Variants in BCR observed in about 807,000 individuals in gnomAD.
The protein encoded by BCR is breakpoint cluster region protein.
BCR carries 58 observed loss-of-function variants against 138.6 expected under a neutral mutation model. The observed-to-expected ratio is 0.42, with a 90% confidence interval of 0.34 to 0.52. BCR has a LOEUF of 0.52. Among genes scored for constraint, BCR ranks in the 20% least tolerant of loss-of-function variants. The pLI, the probability that BCR is intolerant of heterozygous loss-of-function variation, is 0.06. For missense variants in BCR, 1,599 were observed against 1,727.2 expected (o/e 0.93, Z 1.32); for synonymous variants, 786 against 730.1 (o/e 1.08, Z -1.23).
rs556253509 is a variant in BCR, at chr22:23,248,300, C to T, written c.1280-5499C>T. Among the ~76,000 whole-genome samples, 9 of 150,844 alleles carry T rather than the reference C, an allele frequency of 6.0e-5. No individual in the cohort carries two copies. In the South Asian group the frequency reaches 6.3e-4, roughly 11 times the overall value. On this transcript the variant is annotated intron_variant, in intron 1 of 22. Transcript: ENST00000305877. Reference sequence around the variant, plus strand: ...TGGAGGTTGCAGTGAGCCAAGATCGCGCCATTATACTCCAGCAGTGTCCGG... The same window carrying T: ...TGGAGGTTGCAGTGAGCCAAGATCGTGCCATTATACTCCAGCAGTGTCCGG...
intron 8 of BCR, 64 bp downstream of exon 8, chr22:23,273,838 C>CTCGATCT: frequency 3.1e-6 from 5 of 1,600,450 alleles, no homozygotes; most frequent in Non-Finnish European, 4.3e-6. Context: ...TGCAGGGCCC[C>CTCGATCT]TCGATCTGAG....
At chr22:23,222,586 G>T (rs1602031417) in intron 1 of BCR, among the ~76,000 whole-genome samples, 1 of 152,218 alleles carries the variant, frequency 6.6e-6, no homozygotes, top group African/African-American at 2.4e-5. Context: ...AAAGGGCGAA[G>T]GGTAGAAGGA....
chr22:23,277,246 G>GATCTCCCTTTT (rs931872738), intron 8 of BCR, among the ~76,000 whole-genome samples: 11 of 152,222 alleles, frequency 7.2e-5, no homozygotes, highest in African/African-American at 2.7e-4. Context: ...GGTCAGAGGT[G>GATCTCCCTTTT]ATCTCCCTTT....
intron 8 of BCR, among the ~76,000 whole-genome samples, chr22:23,282,961 C>T (rs2073665560): frequency 6.6e-6 from 1 of 152,162 alleles, no homozygotes; most frequent in African/African-American, 2.4e-5. Context: ...GGTGGACCTC[C>T]CTGAAGCTCT....
chr22:23,278,628 G>A (rs1161385536), intron 8 of BCR, among the ~76,000 whole-genome samples: 1 of 151,890 alleles, frequency 6.6e-6, no homozygotes, highest in Admixed American at 6.6e-5. Context: ...TCCGGAGGCG[G>A]AGGCAGGAGA....
At chr22:23,295,906 G>A (rs1403209527) in intron 16 of BCR, among the ~76,000 whole-genome samples, 1 of 152,096 alleles carries the variant, frequency 6.6e-6, no homozygotes, top group Non-Finnish European at 1.5e-5. Context: ...TTTCCTTATA[G>A]TGCATTATAT....
rs368767652 is a variant in BCR at position 23,289,543 on chromosome 22, G to C, written c.2629G>C (p.Val877Leu). The change falls in exon 13 of 23, where the codon GTG becomes CTG. Residue 877 changes from valine (V) to leucine (L), a missense_variant. Physicochemically the swap from Val to Leu is conservative, Grantham distance 32. Around this residue, in one of 4 missense-constraint regions of BCR, gnomAD observed 590 missense variants for 762.4 expected, o/e 0.77. Coordinates refer to ENST00000305877, the MANE Select transcript of BCR (RefSeq NM_004327.4). ...KCFRSFSLTS[V>L]ELQMLTNSCV... ...TTTCAGAAGCTTCTCCCTGACATCC[G>C]TGGAGCTGCAGATGCTGACCAACTC... 2 of 1,614,046 alleles carry C rather than the reference G, an allele frequency of 1.2e-6. No homozygotes were observed. Among genetic ancestry groups the C allele is most frequent in the Admixed American group, 1.7e-5 (1 of 60,002 alleles).
At chr22:23,251,027 T>A (rs1032544152) in intron 1 of BCR, 4 of 152,214 alleles carry the variant, frequency 2.6e-5, no homozygotes, top group Non-Finnish European at 5.9e-5. Flanking sequence ...GCCCCCTCGA[T>A]GTCCCATGGA....
At position 23,180,816 on chromosome 22, in the gene BCR, A is replaced by C; in HGVS notation, c.-145A>C. Reference sequence around the variant, plus strand: ...CGCTCCGCCTCACCTGCCACCAGGGAGTGGGCGGGCATTGTTCGCCGCCGC... The same window carrying C: ...CGCTCCGCCTCACCTGCCACCAGGGCGTGGGCGGGCATTGTTCGCCGCCGC... On this transcript the variant is annotated 5_prime_UTR_variant, in exon 1 of 23. Transcript: ENST00000305877. The C allele has an allele frequency of 1.1e-5, 3 of 284,994 alleles. No homozygotes were observed. The highest frequency in any genetic ancestry group is 1.5e-5 in the Non-Finnish European group (3 of 194,918). 17.7% of individuals were successfully genotyped at this position (284,994 alleles called of 1,614,324 possible).
rs370756046 is a variant in BCR, at chr22:23,206,300, G to C, written c.1279+24061G>C. Among the ~76,000 whole-genome samples, 9 of 152,260 alleles carry C rather than the reference G, an allele frequency of 5.9e-5. No homozygotes were observed. The South Asian group carries it at 1.0e-3, about 18-fold the overall frequency. ...TAAAAAGCTAAGAAAATAGGCTGGG[G>C]GCGGTGGCTCACGCCTGTAATCCCA... On this transcript the variant is annotated intron_variant, in intron 1 of 22. Transcript: ENST00000305877.
intron 1 of BCR, among the ~76,000 whole-genome samples, chr22:23,215,919 T>G (rs958148412): frequency 6.6e-6 from 1 of 152,210 alleles, no homozygotes; most frequent in Admixed American, 6.5e-5. Flanking sequence ...AATTTCCCCT[T>G]TCCTGTAAAC....
At chr22:23,263,111 C>T in intron 4 of BCR, 1 of 710,208 alleles carries the variant, frequency 1.4e-6, no homozygotes, top group Non-Finnish European at 2.3e-6. Context: ...AGGTTTGGGC[C>T]TACATCCCGG....
At chr22:23,266,801 C>T (rs565842040) in intron 4 of BCR, among the ~76,000 whole-genome samples, 1 of 152,356 alleles carries the variant, frequency 6.6e-6, no homozygotes, top group South Asian at 2.1e-4. Flanking sequence ...CTCAGTGCAT[C>T]AGATCCGGAG....
chr22:23,275,757 C>T (rs1324972283), intron 8 of BCR, among the ~76,000 whole-genome samples: 2 of 152,200 alleles, frequency 1.3e-5, no homozygotes, highest in East Asian at 1.9e-4. Context: ...CTGCCAGGTT[C>T]GCCCTACCCT....
chr22:23,288,513 G>A lies in BCR; in HGVS notation c.2602+341G>A, dbSNP rs149772946. On this transcript the variant is annotated intron_variant, in intron 12 of 22. Transcript: ENST00000305877. ...CCCCCTAGTCTGCTGCCCATACACC[G>A]CACCCCCGGCCTGCCCCCTAGTCCT... is the stretch of plus-strand genomic sequence containing the variant. 8.7e-3 allele frequency among the ~76,000 whole-genome samples: 1,130 copies of A among 130,328 alleles called. 14 individuals are homozygous for A. The highest frequency in any genetic ancestry group is 0.031 in the African/African-American group (1,066 of 34,152). The allele number at this position is 130,328 out of a possible 152,430, so 85.5% of individuals were successfully genotyped here. A position where few individuals can be genotyped will look rare whatever the true frequency, so the allele number is the denominator to read the frequency against.
chr22:23,295,245 C>T, intron 16 of BCR, 90 bp downstream of exon 16: 2 of 1,347,990 alleles, frequency 1.5e-6, no homozygotes, highest in East Asian at 2.5e-5. Context: ...CATGGCCTTG[C>T]ACCCAGGGTG....
Position 23,263,325 on chromosome 22 carries a change from C to T in BCR, c.1752+1785C>T, listed in dbSNP as rs532474080. Reference sequence around the variant, plus strand: ...GCTGTGGCACTTCACCAACTGCGACCTGCTCCGGCGCCAGATAGCCTGGGC... The same window carrying T: ...GCTGTGGCACTTCACCAACTGCGACTTGCTCCGGCGCCAGATAGCCTGGGC... On this transcript the variant is annotated intron_variant, in intron 4 of 22. Transcript: ENST00000305877. 1.6e-5 allele frequency: 19 copies of T among 1,189,090 alleles called. No homozygotes were observed. In the African/African-American group the frequency reaches 1.9e-4, roughly 12 times the overall value. The allele number at this position is 1,189,090 out of a possible 1,614,324, so 73.7% of individuals were successfully genotyped here.
chr22:23,255,679 G>A (rs2146269543), intron 2 of BCR, among the ~76,000 whole-genome samples: 1 of 152,260 alleles, frequency 6.6e-6, no homozygotes, highest in Non-Finnish European at 1.5e-5. Flanking sequence ...CCGGGGGTGG[G>A]GGCCTCCCAC....
chr22:23,280,603 G>T (rs1047169016), intron 8 of BCR, among the ~76,000 whole-genome samples: 9 of 152,200 alleles, frequency 5.9e-5, no homozygotes, highest in Admixed American at 5.9e-4. Flanking sequence ...TCATGTTTAA[G>T]GAAACAGAGG....
Sources: gnomAD v4.1 joint callset for allele counts (sites outside exome capture counted in the v4.1 genomes callset) on GRCh38, gnomAD v4.1.1 for gene constraint, gnomAD v4.1.1 regional missense constraint, MANE v1.5 for transcripts, NCBI Gene and HGNC (gene_info 2026-07-23, HGNC 2026-07-21) for gene names.